DPY19L1: variants seen among roughly 807,000 people sequenced by gnomAD.
DPY19L1 encodes protein C-mannosyl-transferase DPY19L1.
Under a neutral mutation model 96.9 loss-of-function variants are expected in DPY19L1, and 35 were observed. The observed-to-expected ratio is 0.36, with a 90% CI of 0.28 to 0.48. The LOEUF (loss-of-function observed/expected upper bound fraction) is 0.48. Among genes scored for constraint, DPY19L1 ranks in the 20% least tolerant of loss-of-function variants. The probability of loss-of-function intolerance (pLI) is 0.99; values close to 1 mark genes in which losing one functional copy is unlikely to be tolerated. For synonymous variants in DPY19L1, 205 were observed against 252.6 expected (o/e 0.81, Z 1.79); for missense variants, 521 against 777.9 (o/e 0.67, Z 3.93).
In DPY19L1 at chr7:35,017,501, C is replaced by CAAAAAAA. The variant is rs1161959357; in HGVS notation, c.411+374_411+380dup. ...TGGGCGACAGAGCGAGACTCCGTCT[C>CAAAAAAA]AAAAAAAAAAAAAAAAAAAAATTAG... On this transcript the variant is annotated intron_variant, in intron 3 of 21. Coordinates refer to ENST00000638088, the MANE Select transcript of DPY19L1 (RefSeq NM_001366673.1). Among the ~76,000 whole-genome samples the CAAAAAAA allele has an allele frequency of 1.5e-3, 21 of 13,682 alleles. 2 individuals are homozygous for CAAAAAAA. The highest frequency in any genetic ancestry group is 5.2e-3 in the African/African-American group (16 of 3,094). 9.0% of individuals were successfully genotyped at this position (13,682 alleles called of 152,430 possible). A position where few individuals can be genotyped will look rare whatever the true frequency, so the allele number is the denominator to read the frequency against.
At chr7:35,016,529 T>C (rs1167494800) in intron 3 of DPY19L1, among the ~76,000 whole-genome samples, 1 of 152,154 alleles carries the variant, frequency 6.6e-6, no homozygotes, top group South Asian at 2.1e-4. Flanking sequence ...TTATAGCTAA[T>C]AAGTGCAAAG....
intron 7 of DPY19L1, among the ~76,000 whole-genome samples, chr7:34,979,503 A>C (rs1784895529): frequency 1.3e-5 from 2 of 152,144 alleles, no homozygotes; most frequent in Admixed American, 1.3e-4. Flanking sequence ...ATACCTCCTT[A>C]GTAGAATATA....
Position 34,959,224 on chromosome 7 carries a change from T to C in DPY19L1, c.1093-1154A>G, listed in dbSNP as rs142296211. On this transcript the variant is annotated intron_variant, in intron 10 of 21. Transcript: ENST00000638088. ...AAAAAGTCAGGAGACAAAGATGCTG[T>C]AGATGATGTGGAGAAATAGGAACGC... Among the ~76,000 whole-genome samples, 1,044 of 152,252 alleles carry C rather than the reference T, an allele frequency of 6.9e-3. 5 individuals carry two copies. Among genetic ancestry groups the C allele is most frequent in the South Asian group, 0.027 (132 of 4,816 alleles).
chr7:34,974,871 C>G (rs1326367595), intron 7 of DPY19L1, among the ~76,000 whole-genome samples: 1 of 152,064 alleles, frequency 6.6e-6, no homozygotes, highest in Non-Finnish European at 1.5e-5. Context: ...ATATTTCAAC[C>G]TTTTTCATTA....
intron 3 of DPY19L1, among the ~76,000 whole-genome samples, chr7:35,015,835 G>T (rs1240608119): frequency 6.6e-6 from 1 of 152,166 alleles, no homozygotes; most frequent in African/African-American, 2.4e-5. Context: ...TGGCCTCCTG[G>T]GCTGAGCCCC....
At chr7:35,022,177 C>A (rs1435613387) in intron 1 of DPY19L1, among the ~76,000 whole-genome samples, 4 of 152,100 alleles carry the variant, frequency 2.6e-5, no homozygotes. Context: ...AATTGATAAT[C>A]CATTTATTTC....
At chr7:34,944,487 T>C (rs56670259) in intron 16 of DPY19L1, among the ~76,000 whole-genome samples, 2,903 of 151,962 alleles carry the variant, frequency 0.019, 104 homozygotes, top group African/African-American at 0.067. Flanking sequence ...CTACCTTCAC[T>C]CCATCCTCTA....
chr7:35,034,934 G>T (rs377689854), intron 1 of DPY19L1, among the ~76,000 whole-genome samples: 2 of 152,134 alleles, frequency 1.3e-5, no homozygotes, highest in African/African-American at 4.8e-5. Flanking sequence ...ATTCTGGGAG[G>T]GGGGAAGAAA....
rs1289663316 is a variant in DPY19L1, at chr7:35,017,913, A to G, written c.380T>C (p.Leu127Ser). 1.2e-6 allele frequency: 2 copies of G among 1,606,738 alleles called. No individual in the cohort carries two copies. Among genetic ancestry groups the G allele is most frequent in the Admixed American group, 3.4e-5 (2 of 59,024 alleles). Residue 127 changes from leucine (L) to serine (S), a missense_variant, in exon 3 of 22, where the codon TTG (leucine) becomes TCG (serine). Coordinates refer to ENST00000638088, the MANE Select transcript of DPY19L1 (RefSeq NM_001366673.1). ...NDRHFSHLST[L>S]EREMAFRTEM... ...AGTGCGAAAAGCCATCTCCCTTTCC[A>G]ATGTTGAGAGGTGAGAAAAATGACG...
chr7:35,036,782 A>C (rs1786411728), intron 1 of DPY19L1, among the ~76,000 whole-genome samples: 1 of 151,938 alleles, frequency 6.6e-6, no homozygotes, highest in Non-Finnish European at 1.5e-5. Context: ...AGCAGCGCTC[A>C]AGTCTCGTTA....
intron 18 of DPY19L1, 44 bp from the exon 19 acceptor site, chr7:34,940,371 A>C: frequency 6.5e-7 from 1 of 1,538,756 alleles, no homozygotes; most frequent in South Asian, 1.3e-5. Context: ...TAGTATAAGT[A>C]GTATGCATCT....
intron 6 of DPY19L1, among the ~76,000 whole-genome samples, chr7:34,994,360 G>C (rs1785238090): frequency 6.6e-6 from 1 of 151,930 alleles, no homozygotes. Context: ...AAACACGAAA[G>C]ATGAGTTTTT....
At position 34,947,679 on chromosome 7, in the gene DPY19L1, G is replaced by C. The variant is rs368290581; in HGVS notation, c.1445C>G (p.Thr482Arg). ...TACAAGAACAACTGGAAGCAATAAT[G>C]TCTTTGTGTATCTCAGTGGAGTCTG... is the stretch of plus-strand genomic sequence containing the variant. ...EKETPLRYTK[T>R]LLLPVVLVVF... The change falls in exon 15 of 22, where the codon ACA becomes AGA. Residue 482 changes from threonine to arginine, a missense_variant. Physicochemically the swap from Thr to Arg is moderately conservative, Grantham distance 71 (BLOSUM62 -1). Transcript: ENST00000638088. 1 of 1,612,138 alleles carries C rather than the reference G, an allele frequency of 6.2e-7. No individual in the cohort carries two copies. The highest frequency in any genetic ancestry group is 8.5e-7 in the Non-Finnish European group (1 of 1,179,086).
chr7:35,005,097 A>C (rs1355776348), intron 6 of DPY19L1, among the ~76,000 whole-genome samples: 1 of 152,204 alleles, frequency 6.6e-6, no homozygotes, highest in Non-Finnish European at 1.5e-5. Flanking sequence ...CTAAAAATCA[A>C]CTTAAGTACT....
chr7:34,972,186 T>C (rs1160293293), intron 8 of DPY19L1, among the ~76,000 whole-genome samples: 1 of 152,002 alleles, frequency 6.6e-6, no homozygotes. Flanking sequence ...GCCAAGAAAA[T>C]TGATTCTCTC....
chr7:34,944,234 T>G (rs1385861413), intron 16 of DPY19L1, among the ~76,000 whole-genome samples: 7 of 151,280 alleles, frequency 4.6e-5, no homozygotes, highest in Admixed American at 2.6e-4. Flanking sequence ...GTGGTGGTGG[T>G]CGCCTGTAGT....
intron 5 of DPY19L1, 143 bp downstream of exon 5, chr7:35,011,187 A>G: frequency 1.0e-6 from 1 of 952,414 alleles, no homozygotes; most frequent in East Asian, 2.9e-5. Context: ...AAGCCTGCCC[A>G]AATTCTGGAC....
At position 34,982,274 on chromosome 7, in the gene DPY19L1, A is replaced by G. The variant is rs565100489; in HGVS notation, c.822+7610T>C. 1.3e-5 allele frequency among the ~76,000 whole-genome samples: 2 copies of G among 152,344 alleles called. 1 individual carries two copies. Among genetic ancestry groups the G allele is most frequent in the East Asian group, 3.9e-4 (2 of 5,188 alleles). On this transcript the variant is annotated intron_variant, in intron 7 of 21. Transcript: ENST00000638088. ...TAGTGTTAAATTTCTCAAGTATGATAACAGTATTGTGATTATGTAGAATGT... is the reference window on the plus strand; with the variant it reads ...TAGTGTTAAATTTCTCAAGTATGATGACAGTATTGTGATTATGTAGAATGT...
chr7:34,952,379 T>C (rs1465855257), intron 13 of DPY19L1, among the ~76,000 whole-genome samples: 1 of 152,104 alleles, frequency 6.6e-6, no homozygotes, highest in Non-Finnish European at 1.5e-5. Flanking sequence ...AGCTTCCTAA[T>C]GAAATTGAAT....
Sources: gnomAD v4.1 joint callset for allele counts (sites outside exome capture counted in the v4.1 genomes callset) on GRCh38, gnomAD v4.1.1 for gene constraint, MANE v1.5 for transcripts, NCBI Gene and HGNC (gene_info 2026-07-23, HGNC 2026-07-21) for gene names.